AEBP1: variants seen among roughly 807,000 people sequenced by gnomAD.
AEBP1 encodes the protein AE binding protein 1.
In AEBP1, 69 loss-of-function variants were observed where a neutral mutation model predicts 116.5. The ratio of observed to expected loss-of-function variants is 0.59; its 90% CI spans 0.49 to 0.72. The LOEUF (loss-of-function observed/expected upper bound fraction) is 0.72. AEBP1 is among the 30% of genes least tolerant of loss of function. The pLI, the probability that AEBP1 is intolerant of heterozygous loss-of-function variation, is 0.00. For synonymous variants in AEBP1, 627 were observed against 627.3 expected, an observed-to-expected ratio of 1.00 and a Z score of 0.01; for missense variants, 1,444 against 1,557.5, an observed-to-expected ratio of 0.93 and a Z score of 1.23.
chr7:44,106,896 C>T lies in AEBP1; in HGVS notation c.595+9C>T, dbSNP rs965229750. ...GCTACCCCAGGAGGGAGGTTTGTGC[C>T]GGGCTCCTCTGGGGTGATGGGGCTC... On this transcript the variant is annotated intron_variant, in intron 2 of 20. Coordinates refer to ENST00000223357, the MANE Select transcript of AEBP1 (RefSeq NM_001129.5). 1.3e-5 allele frequency: 20 copies of T among 1,541,212 alleles called. 1 individual carries two copies. Among genetic ancestry groups the T allele is most frequent in the South Asian group, 3.6e-5 (3 of 83,028 alleles).
chr7:44,110,712 G>C lies in AEBP1; in HGVS notation c.1401-13G>C. On this transcript the variant is annotated splice_polypyrimidine_tract_variant and intron_variant, in intron 11 of 20. Coordinates refer to ENST00000223357, the MANE Select transcript of AEBP1 (RefSeq NM_001129.5). ...GGGGAAGACCCTTGCTCTGACCACT[G>C]TCCACTCCACAGTGACGATTTTGTG... is the stretch of plus-strand genomic sequence containing the variant. The C allele has an allele frequency of 6.6e-7, 1 of 1,518,876 alleles. No individual in the cohort carries two copies. The highest frequency in any genetic ancestry group is 8.8e-7 in the Non-Finnish European group (1 of 1,133,248). The allele number at this position is 1,518,876 out of a possible 1,614,324, so 94.1% of individuals were successfully genotyped here.
rs1000323560 is a variant in AEBP1, at chr7:44,108,688, C to T, written c.941-211C>T. Among the ~76,000 whole-genome samples the T allele has an allele frequency of 3.3e-5, 5 of 152,154 alleles. No individual in the cohort carries two copies. Among genetic ancestry groups the T allele is most frequent in the East Asian group, 3.9e-4 (2 of 5,188 alleles). Reference sequence around the variant, plus strand: ...CCCAGGCCAGATGCTCCTGGAAGGCCGGGCTGGTGACTTCAGCAGGGTCTT... The same window carrying T: ...CCCAGGCCAGATGCTCCTGGAAGGCTGGGCTGGTGACTTCAGCAGGGTCTT... On this transcript the variant is annotated intron_variant, in intron 6 of 20. Coordinates refer to ENST00000223357, the MANE Select transcript of AEBP1 (RefSeq NM_001129.5). The surrounding 1 kb of genome is among the most constrained non-coding windows in gnomAD (Gnocchi z 5.0).
rs1038508372 is a variant in AEBP1, at chr7:44,106,969, G to A, written c.595+82G>A. 3.6e-6 allele frequency: 4 copies of A among 1,101,078 alleles called. No homozygotes were observed. The African/African-American group carries it at 6.4e-5, about 18-fold the overall frequency. 68.2% of individuals were successfully genotyped at this position (1,101,078 alleles called of 1,614,324 possible). ...CAGGGAGTGGGAGGCAGGTTTCTGG[G>A]GCCCTGCTTCCTATAGACCTTCAGC... On this transcript the variant is annotated intron_variant, in intron 2 of 20. Transcript: ENST00000223357.
Position 44,110,343 on chromosome 7 carries a change from T to C in AEBP1, c.1397T>C (p.Ile466Thr). The change falls in exon 11 of 21, where the codon ATC (isoleucine) becomes ACC (threonine). Residue 466 changes from isoleucine (I) to threonine (T), a missense_variant. Transcript: ENST00000223357. ...ATCACCCAGGGCAGAGACTCCAGCA[T>C]CCAGTGCGTGGCCAGGCTCATGGAT... ...GVITQGRDSS[I>T]HDDFVTTFFV... 1 of 1,613,638 alleles carries C rather than the reference T, an allele frequency of 6.2e-7. No homozygotes were observed. Among genetic ancestry groups the C allele is most frequent in the East Asian group, 2.2e-5 (1 of 44,886 alleles).
In AEBP1 at chr7:44,108,211, C is replaced by A; in HGVS notation, c.940+127C>A. 2.4e-6 allele frequency: 2 copies of A among 832,022 alleles called. No individual in the cohort carries two copies. Among genetic ancestry groups the A allele is most frequent in the Non-Finnish European group, 1.9e-6 (1 of 513,222 alleles). 51.5% of individuals were successfully genotyped at this position (832,022 alleles called of 1,614,324 possible). A position where few individuals can be genotyped will look rare whatever the true frequency, so the allele number is the denominator to read the frequency against. ...CCCACCTGTGCCCGTGGTTACCTCGCTGTCCCTGCTGTCCCTGCGTGCCCA... is the reference window on the plus strand; with the variant it reads ...CCCACCTGTGCCCGTGGTTACCTCGATGTCCCTGCTGTCCCTGCGTGCCCA... On this transcript the variant is annotated intron_variant, in intron 6 of 20. Coordinates refer to ENST00000223357, the MANE Select transcript of AEBP1 (RefSeq NM_001129.5). This position sits in a 1 kb window ranked among gnomAD's most constrained non-coding sequence, Gnocchi z 5.0.
chr7:44,111,100 T>C lies in AEBP1; in HGVS notation c.1630+43T>C. On this transcript the variant is annotated intron_variant, in intron 13 of 20. Transcript: ENST00000223357. The surrounding 1 kb of genome is among the most constrained non-coding windows in gnomAD (Gnocchi z 4.7). ...GCAGGGGCTCTGAGTGGAGGTGGGG[T>C]GCTAGGGTGGGCCAGCCGGCACCCA... The C allele has an allele frequency of 1.3e-6, 2 of 1,588,790 alleles. No individual in the cohort carries two copies. Among genetic ancestry groups the C allele is most frequent in the Non-Finnish European group, 1.7e-6 (2 of 1,164,726 alleles).
chr7:44,110,862 TG>T, intron 12 of AEBP1, 50 bp from the exon 13 acceptor site: 2 of 1,612,260 alleles, frequency 1.2e-6, no homozygotes, highest in Non-Finnish European at 1.7e-6. Context: ...GGGCGAGGGG[TG>T]GGCTCTCAGA....
Position 44,113,578 on chromosome 7 carries a change from C to G in AEBP1, c.2810-16C>G. ...GAGGGGCGCTCTGGGGCAGCCGGAT[C>G]GTTCTCCCTCCGCAGCCAGTGGTGG... On this transcript the variant is annotated splice_polypyrimidine_tract_variant and intron_variant, in intron 20 of 20. Transcript: ENST00000223357. The surrounding 1 kb of genome is among the most constrained non-coding windows in gnomAD (Gnocchi z 5.3). 2 of 1,599,690 alleles carry G rather than the reference C, an allele frequency of 1.3e-6. No individual in the cohort carries two copies. The highest frequency in any genetic ancestry group is 1.7e-6 in the Non-Finnish European group (2 of 1,175,158).
rs748807608 is a variant in AEBP1, at chr7:44,111,028, G to A, written c.1601G>A (p.Arg534His). 4.3e-6 allele frequency: 7 copies of A among 1,612,998 alleles called. No homozygotes were observed. Among genetic ancestry groups the A allele is most frequent in the South Asian group, 1.1e-5 (1 of 90,946 alleles). Residue 534 changes from arginine (R) to histidine (H), a missense_variant, in exon 13 of 21, where the codon CGC becomes CAC. Physicochemically the swap from Arg to His is conservative, Grantham distance 29 (BLOSUM62 0). Coordinates refer to ENST00000223357, the MANE Select transcript of AEBP1 (RefSeq NM_001129.5). The surrounding 1 kb of genome is among the most constrained non-coding windows in gnomAD (Gnocchi z 4.7). ...ACCTGGAATGGCAGCCTGTGCATGCGCCTGGAGGTGCTGGGGTGCTCTGTG... is the reference window on the plus strand; with the variant it reads ...ACCTGGAATGGCAGCCTGTGCATGCACCTGGAGGTGCTGGGGTGCTCTGTG... ...PLTWNGSLCMRLEVLGCSVAP... is the reference protein window; with the variant it reads ...PLTWNGSLCMHLEVLGCSVAP...
Position 44,111,124 on chromosome 7 carries a change from C to T in AEBP1, c.1631-30C>T. 1 of 1,571,950 alleles carries T rather than the reference C, an allele frequency of 6.4e-7. No homozygotes were observed. The highest frequency in any genetic ancestry group is 8.7e-7 in the Non-Finnish European group (1 of 1,156,004). ...GTGCTAGGGTGGGCCAGCCGGCACC[C>T]AGCTAAAGACAACCCCGCCTCCCTT... On this transcript the variant is annotated intron_variant, in intron 13 of 20. Coordinates refer to ENST00000223357, the MANE Select transcript of AEBP1 (RefSeq NM_001129.5). The surrounding 1 kb of genome is among the most constrained non-coding windows in gnomAD (Gnocchi z 4.7).
Position 44,111,545 on chromosome 7 carries a change from C to T in AEBP1, c.1755C>T (p.Thr585=), listed in dbSNP as rs1249029798. 2 of 1,609,338 alleles carry T rather than the reference C, an allele frequency of 1.2e-6. No individual in the cohort carries two copies. Among genetic ancestry groups the T allele is most frequent in the African/African-American group, 2.7e-5 (2 of 74,666 alleles). The change falls in exon 15 of 21, where the codon ACC becomes ACT. Residue 585 remains threonine (T), a synonymous_variant. Coordinates refer to ENST00000223357, the MANE Select transcript of AEBP1 (RefSeq NM_001129.5). This position sits in a 1 kb window ranked among gnomAD's most constrained non-coding sequence, Gnocchi z 4.7. ...TGAACGAGGAGTGCCCCACCATCAC[C>T]CGCACTTACAGCCTGGGCAAGAGCT... The part of the protein sequence containing the change: ...KVVNEECPTI[T]RTYSLGKSSR...
Position 44,113,320 on chromosome 7 carries a change from TG to T in AEBP1, c.2779del (p.Val927Ter), listed in dbSNP as rs1236414078. ...TCCCCATTGCCAACGCCACCATCTC[TG>T]TGAGTGGCATTAATCACGGCGTGAA... is the stretch of plus-strand genomic sequence containing the variant. ...GIPIANATIS[V>X]SGINHGVKTA... On this transcript the variant is annotated frameshift_variant, in exon 20 of 21. Coordinates refer to ENST00000223357, the MANE Select transcript of AEBP1 (RefSeq NM_001129.5). LOFTEE classifies it low-confidence loss of function (END_TRUNC). This position sits in a 1 kb window ranked among gnomAD's most constrained non-coding sequence, Gnocchi z 5.3. The T allele has an allele frequency of 6.2e-7, 1 of 1,613,390 alleles. No homozygotes were observed.
Position 44,112,182 on chromosome 7 carries a change from A to G in AEBP1, c.2078A>G (p.Glu693Gly). The G allele has an allele frequency of 6.2e-7, 1 of 1,606,916 alleles. No homozygotes were observed. The highest frequency in any genetic ancestry group is 8.5e-7 in the Non-Finnish European group (1 of 1,174,412). Residue 693 changes from glutamate (E) to glycine (G), a missense_variant, in exon 17 of 21, where the codon GAG becomes GGG. Physicochemically the swap from Glu to Gly is moderately conservative, Grantham distance 98. Transcript: ENST00000223357. This position sits in a 1 kb window ranked among gnomAD's most constrained non-coding sequence, Gnocchi z 6.6. ...FGNWALGLWT[E>G]EGFDIFEDFP... ...AACTGGGCGCTGGGACTGTGGACTG[A>G]GGAGGGCTTTGACATCTTTGAAGAT...
rs768469274 is a variant in AEBP1, at chr7:44,112,580, T to C, written c.2240T>C (p.Ile747Thr). Residue 747 changes from isoleucine (I) to threonine (T), a missense_variant, in exon 18 of 21, where the codon ATC (isoleucine) becomes ACC (threonine). Ile to Thr is a moderately conservative substitution (Grantham distance 89). Coordinates refer to ENST00000223357, the MANE Select transcript of AEBP1 (RefSeq NM_001129.5). The surrounding 1 kb of genome is among the most constrained non-coding windows in gnomAD (Gnocchi z 6.6). ...DATVSTEVRA[I>T]IAWMEKNPFV... is the part of the protein sequence containing the mutation. Reference sequence around the variant, plus strand: ...CAGGTATCCACGGAGGTCCGGGCCATCATTGCCTGGATGGAGAAGAACCCC... The same window carrying C: ...CAGGTATCCACGGAGGTCCGGGCCACCATTGCCTGGATGGAGAAGAACCCC... The C allele has an allele frequency of 1.3e-5, 20 of 1,597,606 alleles. No homozygotes were observed. Among genetic ancestry groups the C allele is most frequent in the Non-Finnish European group, 1.5e-5 (17 of 1,169,020 alleles).
rs551347012 is a variant in AEBP1 at position 44,113,771 on chromosome 7, T to C, written c.2987T>C (p.Met996Thr). The C allele has an allele frequency of 4.2e-4, 684 of 1,614,106 alleles. 4 individuals carry two copies. The South Asian group carries it at 6.9e-3, about 16-fold the overall frequency. Residue 996 changes from methionine to threonine, a missense_variant, in exon 21 of 21, where the codon ATG (methionine) becomes ACG (threonine). Physicochemically the swap from Met to Thr is moderately conservative, Grantham distance 81. Transcript: ENST00000223357. The surrounding 1 kb of genome is among the most constrained non-coding windows in gnomAD (Gnocchi z 5.3). ...NWKRIREIMA[M>T]NGNRPIPHID... ...AAGCGCATCCGGGAGATCATGGCCA[T>C]GAACGGGAACCGGCCTATCCCACAC...
rs756240603 is a variant in AEBP1 at position 44,109,309 on chromosome 7, TGGA to T, written c.1126_1128del (p.Glu376del). 25 of 1,422,034 alleles carry T rather than the reference TGGA, an allele frequency of 1.8e-5. No homozygotes were observed. In the East Asian group the frequency reaches 8.4e-4, roughly 48 times the overall value. 88.1% of individuals were successfully genotyped at this position (1,422,034 alleles called of 1,614,324 possible). On this transcript the variant is annotated inframe_deletion, in exon 9 of 21. Transcript: ENST00000223357. ...CTAGAGCCCCGAAAGGGCGAGGAGTTGGAGGAGGAGTGGACGCCTACGGAGAAA... is the reference window on the plus strand; with the variant it reads ...CTAGAGCCCCGAAAGGGCGAGGAGTTGGAGGAGTGGACGCCTACGGAGAAA...
rs772870237 is a variant in AEBP1 at position 44,112,170 on chromosome 7, G to A, written c.2066G>A (p.Gly689Glu). 3.1e-6 allele frequency: 5 copies of A among 1,605,080 alleles called. No homozygotes were observed. In the South Asian group the frequency reaches 3.3e-5, roughly 11 times the overall value. ...TCAGAGTTTGGGAACTGGGCGCTGG[G>A]ACTGTGGACTGAGGAGGGCTTTGAC... ...MGSEFGNWAL[G>E]LWTEEGFDIF... is the part of the protein sequence containing the mutation. Residue 689 changes from glycine to glutamate, a missense_variant, in exon 17 of 21, where the codon GGA (glycine) becomes GAA (glutamate). Physicochemically the swap from Gly to Glu is moderately conservative, Grantham distance 98. Coordinates refer to ENST00000223357, the MANE Select transcript of AEBP1 (RefSeq NM_001129.5). This position sits in a 1 kb window ranked among gnomAD's most constrained non-coding sequence, Gnocchi z 6.6.
In AEBP1 at chr7:44,113,273, G is replaced by A; in HGVS notation, c.2731G>A (p.Val911Met). Residue 911 changes from valine (V) to methionine (M), a missense_variant, in exon 20 of 21, where the codon GTG (valine) becomes ATG (methionine). Physicochemically the swap from Val to Met is conservative, Grantham distance 21. Transcript: ENST00000223357. This position sits in a 1 kb window ranked among gnomAD's most constrained non-coding sequence, Gnocchi z 5.3. ...CTAGGTGCACCGCGGCATTAAGGGG[G>A]TGGTGACGGACGAGCAAGGCATCCC... ...MEQVHRGIKG[V>M]VTDEQGIPIA... is the part of the protein sequence containing the mutation. The A allele has an allele frequency of 6.2e-7, 1 of 1,613,868 alleles. No homozygotes were observed. Among genetic ancestry groups the A allele is most frequent in the Non-Finnish European group, 8.5e-7 (1 of 1,179,952 alleles).
rs1307490420 is a variant in AEBP1 at position 44,112,241 on chromosome 7, G to A, written c.2137G>A (p.Glu713Lys). The change falls in exon 17 of 21, where the codon GAG becomes AAG. Residue 713 changes from glutamate to lysine, a missense_variant. Physicochemically the swap from Glu to Lys is moderately conservative, Grantham distance 56 (BLOSUM62 1). Coordinates refer to ENST00000223357, the MANE Select transcript of AEBP1 (RefSeq NM_001129.5). The surrounding 1 kb of genome is among the most constrained non-coding windows in gnomAD (Gnocchi z 6.6). ...PDLNSVLWGAEERKWVPYRVP... is the reference protein window; with the variant it reads ...PDLNSVLWGAKERKWVPYRVP... ...TCTCAACTCTGTGCTCTGGGGAGCT[G>A]AGGAGAGGAAATGGGTCCCCTACCG... The A allele has an allele frequency of 6.2e-7, 1 of 1,607,298 alleles. No homozygotes were observed.
Sources: gnomAD v4.1 joint callset for allele counts (sites outside exome capture counted in the v4.1 genomes callset) on GRCh38, gnomAD v4.1.1 for gene constraint, Gnocchi (gnomAD v3.1) non-coding constraint, MANE v1.5 for transcripts, NCBI Gene and HGNC (gene_info 2026-07-23, HGNC 2026-07-21) for gene names.